Variants in PTPRK observed in about 807,000 individuals in gnomAD.
The protein encoded by PTPRK is protein tyrosine phosphatase receptor type K.
In PTPRK, 75 loss-of-function variants were observed where a neutral mutation model predicts 178.0. The observed-to-expected ratio is 0.42, with a 90% CI of 0.35 to 0.51. PTPRK has a LOEUF of 0.51. Among genes scored for constraint, PTPRK ranks in the 20% least tolerant of loss-of-function variants. PTPRK has a pLI of 0.02. For missense variants in PTPRK, 1,441 were observed against 1,797.8 expected, an observed-to-expected ratio of 0.80 and a Z score of 3.59; for synonymous variants, 637 against 620.6, an observed-to-expected ratio of 1.03 and a Z score of -0.39.
At chr6:128,399,030 C>G (rs372433380) in intron 1 of PTPRK, among the ~76,000 whole-genome samples, 1 of 152,096 alleles carries the variant, frequency 6.6e-6, no homozygotes, top group African/African-American at 2.4e-5. Context: ...TTAGAACTAA[C>G]GAAAATCCAG....
chr6:128,429,614 T>A (rs1025195326), intron 1 of PTPRK, among the ~76,000 whole-genome samples: 2 of 152,218 alleles, frequency 1.3e-5, no homozygotes, highest in Non-Finnish European at 2.9e-5. Context: ...CAACATCTAA[T>A]CTATAAAATA....
intron 4 of PTPRK, chr6:128,241,408 C>A: frequency 2.1e-6 from 1 of 471,836 alleles, no homozygotes; most frequent in Non-Finnish European, 4.3e-6. Context: ...CTGTGATTTA[C>A]CACAGCTGTA....
intron 1 of PTPRK, among the ~76,000 whole-genome samples, chr6:128,450,941 G>A (rs967818355): frequency 2.6e-4 from 40 of 152,062 alleles, no homozygotes; most frequent in Non-Finnish European, 5.1e-4. Flanking sequence ...TTCATGAAAC[G>A]CCATTTTTAC....
chr6:128,035,376 A>AAAT (rs1319365681), intron 13 of PTPRK, among the ~76,000 whole-genome samples: 2 of 151,980 alleles, frequency 1.3e-5, no homozygotes, highest in Non-Finnish European at 2.9e-5. Context: ...CAAAATAAAT[A>AAAT]AATAAATAAA....
chr6:127,976,971 A>G lies in PTPRK; in HGVS notation c.3795T>C (p.Asp1265=). The G allele has an allele frequency of 6.2e-7, 1 of 1,614,188 alleles. No homozygotes were observed. The highest frequency in any genetic ancestry group is 8.5e-7 in the Non-Finnish European group (1 of 1,180,022). ...TVKDFWRLVY[D]YGCTSIVMLN... is the part of the protein sequence containing the mutation. ...ACATCACAATGGAGGTACAGCCATA[A>G]TCATACACTAATCTCCAGAAGTCTT... is the stretch of plus-strand genomic sequence containing the variant. Residue 1265 remains aspartate, a synonymous_variant, in exon 26 of 30, where the codon GAT becomes GAC. Coordinates refer to ENST00000368226, the MANE Select transcript of PTPRK (RefSeq NM_002844.4).
chr6:128,374,249 T>C (rs1836703173), intron 2 of PTPRK, among the ~76,000 whole-genome samples: 1 of 152,176 alleles, frequency 6.6e-6, no homozygotes, highest in Non-Finnish European at 1.5e-5. Context: ...ACTGGAGTAA[T>C]GCATGTGTCG....
rs375131384 is a variant in PTPRK, at chr6:128,160,505, G to A, written c.1162+23927C>T. Among the ~76,000 whole-genome samples, 13 of 151,826 alleles carry A rather than the reference G, an allele frequency of 8.6e-5. No individual in the cohort carries two copies. The East Asian group carries it at 2.1e-3, about 25-fold the overall frequency. ...GAAATTTTGCCCTAAGAGAGAAGGAGTTTGCACTCTTAACACTGAGGAGGT... is the reference window on the plus strand; with the variant it reads ...GAAATTTTGCCCTAAGAGAGAAGGAATTTGCACTCTTAACACTGAGGAGGT... On this transcript the variant is annotated intron_variant, in intron 7 of 29. Transcript: ENST00000368226.
chr6:128,188,043 A>C (rs1222810936), intron 6 of PTPRK, among the ~76,000 whole-genome samples: 1 of 152,182 alleles, frequency 6.6e-6, no homozygotes, highest in African/African-American at 2.4e-5. Flanking sequence ...AATATTCTTC[A>C]TAACAATACA....
At chr6:128,386,591 G>C (rs1049724529) in intron 2 of PTPRK, among the ~76,000 whole-genome samples, 1 of 152,124 alleles carries the variant, frequency 6.6e-6, no homozygotes, top group South Asian at 2.1e-4. Flanking sequence ...AAGAAACCAA[G>C]TTTTGTTTTT....
intron 1 of PTPRK, among the ~76,000 whole-genome samples, chr6:128,415,910 G>T (rs931999278): frequency 6.6e-6 from 1 of 152,038 alleles, no homozygotes; most frequent in Non-Finnish European, 1.5e-5. Context: ...CTAAATTTTT[G>T]ATGGTTGAGA....
At chr6:128,360,794 T>C (rs1408429669) in intron 2 of PTPRK, among the ~76,000 whole-genome samples, 1 of 152,130 alleles carries the variant, frequency 6.6e-6, no homozygotes. Context: ...TTCTACACCC[T>C]ATACAACCAA....
intron 6 of PTPRK, among the ~76,000 whole-genome samples, chr6:128,204,169 G>A (rs1343541862): frequency 6.6e-6 from 1 of 152,132 alleles, no homozygotes; most frequent in African/African-American, 2.4e-5. Flanking sequence ...AACAAGCAAT[G>A]GGGAGAGGAT....
intron 13 of PTPRK, among the ~76,000 whole-genome samples, chr6:128,009,595 G>T (rs1310264980): frequency 1.3e-5 from 2 of 151,256 alleles, no homozygotes; most frequent in East Asian, 1.9e-4. Flanking sequence ...ATTGGAAAGA[G>T]ATGGGGTCAG....
intron 6 of PTPRK, among the ~76,000 whole-genome samples, chr6:128,197,399 T>G (rs1241630022): frequency 6.6e-6 from 1 of 152,064 alleles, no homozygotes; most frequent in Admixed American, 6.6e-5. Context: ...GTCAAGATAC[T>G]AAACTTGGAA....
intron 7 of PTPRK, among the ~76,000 whole-genome samples, chr6:128,179,683 A>T (rs548504571): frequency 4.6e-5 from 7 of 152,112 alleles, no homozygotes; most frequent in African/African-American, 1.7e-4. Flanking sequence ...TTTTGTTTCA[A>T]CCTCTAGGCT....
intron 2 of PTPRK, among the ~76,000 whole-genome samples, chr6:128,361,482 T>G (rs1453185325): frequency 1.3e-5 from 2 of 152,194 alleles, no homozygotes; most frequent in African/African-American, 4.8e-5. Context: ...TGTCATGAGT[T>G]GCCTAATGAT....
chr6:128,011,979 T>C (rs1041485085), intron 13 of PTPRK, among the ~76,000 whole-genome samples: 18 of 151,292 alleles, frequency 1.2e-4, no homozygotes, highest in Admixed American at 4.6e-4. Context: ...AAAAAGCCCA[T>C]TAAGTTATTT....
chr6:128,371,764 A>G (rs1300906467), intron 2 of PTPRK, among the ~76,000 whole-genome samples: 2 of 152,016 alleles, frequency 1.3e-5, no homozygotes, highest in Admixed American at 1.3e-4. Context: ...AGTTCCAGCT[A>G]CTGGGGGAAG....
intron 13 of PTPRK, among the ~76,000 whole-genome samples, chr6:128,010,286 T>C (rs1778906798): frequency 6.6e-6 from 1 of 151,272 alleles, no homozygotes; most frequent in South Asian, 2.1e-4. Context: ...ATTAGACACA[T>C]TTGGGAAATT....
Sources: allele counts gnomAD v4.1 joint callset (sites outside exome capture counted in the v4.1 genomes callset), GRCh38; gene constraint gnomAD v4.1.1; transcripts MANE v1.5; gene names NCBI Gene and HGNC (gene_info 2026-07-23, HGNC 2026-07-21).